The following COL6A5 variants were observed in gnomAD, a reference collection of about 807,000 sequenced individuals.
The protein encoded by COL6A5 is collagen alpha-5(VI) chain.
A neutral mutation model predicts 65.6 loss-of-function variants in COL6A5; 48 were observed. The observed-to-expected ratio is 0.73, with a 90% CI of 0.58 to 0.93. The LOEUF (loss-of-function observed/expected upper bound fraction) is 0.93, where lower values mean the gene tolerates loss of function less well. Among genes scored for constraint, COL6A5 ranks in the 40% least tolerant of loss-of-function variants. The pLI, the probability that COL6A5 is intolerant of heterozygous loss-of-function variation, is 0.00. For missense variants in COL6A5, 914 were observed against 928.3 expected (o/e 0.98, Z 0.20); for synonymous variants, 291 against 322.8 (o/e 0.90, Z 1.05).
intron 11 of COL6A5, among the ~76,000 whole-genome samples, chr3:130,401,466 C>T (rs112627026): frequency 1.3e-5 from 2 of 152,334 alleles, no homozygotes; most frequent in African/African-American, 4.8e-5. Flanking sequence ...AAACAGAAGA[C>T]TGTCAACTAG....
At chr3:130,414,708 G>C (rs1399124182) in intron 22 of COL6A5, among the ~76,000 whole-genome samples, 1 of 152,076 alleles carries the variant, frequency 6.6e-6, no homozygotes, top group Non-Finnish European at 1.5e-5. Flanking sequence ...TAGCTTCGTA[G>C]CACATGGTTG....
chr3:130,456,014 A>G (rs1709564466), intron 5 of COL6A5, among the ~76,000 whole-genome samples: 1 of 151,980 alleles, frequency 6.6e-6, no homozygotes, highest in Non-Finnish European at 1.5e-5. Context: ...TGGGGGGAGG[A>G]ATGGAGTTTC....
At chr3:130,370,455 C>G (rs575561882) in intron 1 of COL6A5, among the ~76,000 whole-genome samples, 1 of 152,286 alleles carries the variant, frequency 6.6e-6, no homozygotes, top group Admixed American at 6.5e-5. Flanking sequence ...GATTATAGCA[C>G]TGGTCATTTT....
chr3:130,443,110 CTGTT>C, intron 3 of COL6A5, among the ~76,000 whole-genome samples: 2 of 152,282 alleles, frequency 1.3e-5, no homozygotes. Flanking sequence ...TACCTTGTCT[CTGTT>C]TGATCCGTTA....
intron 22 of COL6A5, among the ~76,000 whole-genome samples, chr3:130,415,037 G>C (rs1408917130): frequency 6.6e-6 from 1 of 152,064 alleles, no homozygotes; most frequent in African/African-American, 2.4e-5. Flanking sequence ...GGGTCCCTTT[G>C]ACACTGAGAC....
At chr3:130,447,598 T>C (rs1709338709) in intron 4 of COL6A5, among the ~76,000 whole-genome samples, 1 of 152,290 alleles carries the variant, frequency 6.6e-6, no homozygotes, top group African/African-American at 2.4e-5. Context: ...AGGGTGTCTA[T>C]GTTGGCAAAC....
intron 11 of COL6A5, 96 bp from the exon 12 acceptor site, chr3:130,401,666 G>A (rs181483143): frequency 1.1e-4 from 94 of 886,558 alleles, no homozygotes; most frequent in Admixed American, 2.5e-4. Context: ...GAAGATGGGC[G>A]TGTAGATGGT....
At chr3:130,380,235 A>G (rs1163662001) in intron 4 of COL6A5, among the ~76,000 whole-genome samples, 185 bp downstream of exon 4, 1 of 152,140 alleles carries the variant, frequency 6.6e-6, no homozygotes, top group Admixed American at 6.5e-5. Flanking sequence ...ATTGAACAAT[A>G]CACTTACAAG....
chr3:130,413,706 C>T (rs1937252200), intron 21 of COL6A5, 126 bp downstream of exon 21: 11 of 971,788 alleles, frequency 1.1e-5, no homozygotes, highest in South Asian at 4.3e-5. Context: ...CAGTACTGGA[C>T]GTGATCCCCA....
chr3:130,387,962 A>G (rs1389892523), intron 5 of COL6A5, among the ~76,000 whole-genome samples: 3 of 151,788 alleles, frequency 2.0e-5, no homozygotes, highest in Admixed American at 1.3e-4. Context: ...GTATGTCTGT[A>G]TGTTCATTTC....
chr3:130,428,616 C>A (rs1028918693), upstream of COL6A5, among the ~76,000 whole-genome samples: 2 of 152,188 alleles, frequency 1.3e-5, no homozygotes, highest in Non-Finnish European at 2.9e-5. Context: ...GGGGTTTCTG[C>A]TTCTACGACC....
Position 130,418,927 on chromosome 3 carries a change from G to A in COL6A5, c.4946G>A (p.Arg1649Lys), listed in dbSNP as rs1434185426. The A allele has an allele frequency of 2.6e-6, 4 of 1,550,738 alleles. No individual in the cohort carries two copies. The South Asian group carries it at 4.8e-5, about 18-fold the overall frequency. The change falls in exon 25 of 42, where the codon AGA (arginine) becomes AAA (lysine). Residue 1649 changes from arginine to lysine, a missense_variant and NMD_transcript_variant. Arg to Lys is a conservative substitution (Grantham distance 26). Transcript: ENST00000312481. The stretch of plus-strand genomic sequence containing the variant: ...GTGGGGCAAACTGGGCAGCGAGGAA[G>A]ACAGGTATGAAGTTTTGAAGTCCCT...
intron 7 of COL6A5, 24 bp downstream of exon 7, chr3:130,391,778 C>G (rs748610503): frequency 6.7e-7 from 1 of 1,491,210 alleles, no homozygotes; most frequent in South Asian, 1.3e-5. Flanking sequence ...TTTAAAGTTT[C>G]TATGGGGGTA....
chr3:130,435,744 G>A (rs1427909369), intron 1 of COL6A5, among the ~76,000 whole-genome samples: 4 of 151,992 alleles, frequency 2.6e-5, no homozygotes, highest in African/African-American at 9.7e-5. Context: ...CTTGCCTATT[G>A]TTGGTGTAAA....
Position 130,403,604 on chromosome 3 carries a change from C to T in COL6A5, c.4228-5C>T. On this transcript the variant is annotated splice_polypyrimidine_tract_variant and splice_region_variant and intron_variant and NMD_transcript_variant, in intron 12 of 41. Transcript: ENST00000312481. ...TAAAATGTATTGTTCTCTCTTTCTT[C>T]CCAGGGTTCTCAAGGTCTGAAAGGC... 1 of 1,550,540 alleles carries T rather than the reference C, an allele frequency of 6.4e-7. No individual in the cohort carries two copies. The highest frequency in any genetic ancestry group is 1.2e-5 in the South Asian group (1 of 83,940).
chr3:130,433,863 C>T (rs942523645), intron 1 of COL6A5, among the ~76,000 whole-genome samples: 2 of 151,848 alleles, frequency 1.3e-5, no homozygotes, highest in African/African-American at 2.4e-5. Context: ...TTCTGTGAAA[C>T]TCACCTCACA....
chr3:130,468,818 G>T lies in COL6A5; in HGVS notation c.1570G>T (p.Glu524Ter), dbSNP rs115375867. Residue 524 changes from glutamate to a stop codon, truncating the protein, a stop_gained, in exon 6 of 8, where the codon GAA (glutamate) becomes TAA (stop). Coordinates refer to ENST00000512836, the Ensembl canonical transcript of COL6A5. LOFTEE classifies it high-confidence loss of function. ...AGGACATGAAAATTATGGCAGAAAA[G>T]AAGAACCAGATCATACTTATGAACC... The T allele has an allele frequency of 7.0e-3, 11,236 of 1,608,954 alleles. 74 individuals are homozygous for T. Among genetic ancestry groups the T allele is most frequent in the South Asian group, 0.014 (1,222 of 90,394 alleles).
At chr3:130,396,246 A>T (rs1455835491) in intron 8 of COL6A5, among the ~76,000 whole-genome samples, 2 of 152,246 alleles carry the variant, frequency 1.3e-5, no homozygotes, top group Non-Finnish European at 2.9e-5. Context: ...TTTGCACAAC[A>T]TGCAGAAATT....
intron 8 of COL6A5, among the ~76,000 whole-genome samples, chr3:130,396,628 C>T (rs570990193): frequency 4.0e-4 from 61 of 152,284 alleles, no homozygotes; most frequent in Admixed American, 2.6e-3. Context: ...CATCAGGCTC[C>T]TCTTTGAAAA....
Sources: allele counts gnomAD v4.1 joint callset (sites outside exome capture counted in the v4.1 genomes callset), GRCh38; gene constraint gnomAD v4.1.1; transcripts MANE v1.5; gene names NCBI Gene and HGNC (gene_info 2026-07-23, HGNC 2026-07-21).